Variants in AKAP12 observed in about 807,000 individuals in gnomAD.
AKAP12 encodes the protein A-kinase anchoring protein 12, also known as A-kinase anchor protein 12.
In AKAP12, 32 loss-of-function variants were observed where a neutral mutation model predicts 79.9. The ratio of observed to expected loss-of-function variants is 0.40; its 90% confidence interval spans 0.30 to 0.54. The LOEUF (loss-of-function observed/expected upper bound fraction) is 0.54. Ranked by LOEUF, AKAP12 falls within the 20% of genes least tolerant of loss-of-function variation. The probability of loss-of-function intolerance (pLI) is 0.48; values close to 1 mark genes in which losing one functional copy is unlikely to be tolerated. For synonymous variants in AKAP12, 808 were observed against 857.0 expected (o/e 0.94, Z 1.00); for missense variants, 2,074 against 2,177.0 (o/e 0.95, Z 0.94).
chr6:151,282,506 T>A (rs1451344692), intron 2 of AKAP12, among the ~76,000 whole-genome samples: 1 of 152,092 alleles, frequency 6.6e-6, no homozygotes, highest in East Asian at 1.9e-4. Flanking sequence ...AGCCCTTTGG[T>A]CTAGAGGTGC....
chr6:151,308,746 C>G (rs572685951), intron 3 of AKAP12, among the ~76,000 whole-genome samples: 2 of 152,268 alleles, frequency 1.3e-5, no homozygotes, highest in Admixed American at 1.3e-4. Context: ...TTTTCTTTCT[C>G]TATTTTTTTC....
intron 2 of AKAP12, among the ~76,000 whole-genome samples, chr6:151,280,983 T>C (rs1341760574): frequency 5.3e-5 from 8 of 152,188 alleles, no homozygotes; most frequent in Non-Finnish European, 1.2e-4. Flanking sequence ...TCTAAAGATA[T>C]ATACAGTTAA....
chr6:151,297,959 A>C (rs1776772733), intron 2 of AKAP12, among the ~76,000 whole-genome samples: 1 of 152,178 alleles, frequency 6.6e-6, no homozygotes, highest in African/African-American at 2.4e-5. Flanking sequence ...TTTTCTATTT[A>C]GAAAGAGAAT....
chr6:151,290,926 C>T (rs1299247588), intron 2 of AKAP12, among the ~76,000 whole-genome samples: 1 of 152,070 alleles, frequency 6.6e-6, no homozygotes, highest in African/African-American at 2.4e-5. Flanking sequence ...CTTGTTTTTC[C>T]TTCTCACCCT....
chr6:151,269,060 A>G (rs1776124717), intron 2 of AKAP12, among the ~76,000 whole-genome samples: 2 of 148,682 alleles, frequency 1.3e-5, no homozygotes, highest in Admixed American at 1.4e-4. Context: ...GAAACATTTA[A>G]TATCTAATGA....
intron 2 of AKAP12, among the ~76,000 whole-genome samples, chr6:151,257,806 C>G (rs1002507783): frequency 2.8e-4 from 42 of 152,210 alleles, no homozygotes; most frequent in African/African-American, 9.6e-4. Context: ...TTTTAATCTC[C>G]TTATTAAGTT....
chr6:151,320,257 G>T (rs898181839), intron 3 of AKAP12, among the ~76,000 whole-genome samples: 31 of 151,742 alleles, frequency 2.0e-4, no homozygotes, highest in Admixed American at 2.0e-3. Flanking sequence ...GGCCTCTCCC[G>T]TTCTCTTCCT....
intron 2 of AKAP12, among the ~76,000 whole-genome samples, chr6:151,278,884 G>T (rs1342345297): frequency 6.6e-6 from 1 of 151,396 alleles, no homozygotes; most frequent in Non-Finnish European, 1.5e-5. Context: ...AGCCAGGATG[G>T]TCTCGATCTC....
At chr6:151,304,660 A>G (rs1031592879) in intron 2 of AKAP12, among the ~76,000 whole-genome samples, 2 of 151,372 alleles carry the variant, frequency 1.3e-5, no homozygotes, top group African/African-American at 2.4e-5. Context: ...CACCTCCCAC[A>G]TCCACCTCCA....
Position 151,240,621 on chromosome 6 carries a change from C to A in AKAP12, c.59C>A (p.Ser20Tyr). 2 of 1,392,732 alleles carry A rather than the reference C, an allele frequency of 1.4e-6. No homozygotes were observed. Among genetic ancestry groups the A allele is most frequent in the Admixed American group, 3.2e-5 (1 of 30,816 alleles). The allele number at this position is 1,392,732 out of a possible 1,614,324, so 86.3% of individuals were successfully genotyped here. A position where few individuals can be genotyped will look rare whatever the true frequency, so the allele number is the denominator to read the frequency against. Residue 20 changes from serine to tyrosine, a missense_variant, in exon 2 of 5, where the codon TCC becomes TAC. Physicochemically the swap from Ser to Tyr is moderately radical, Grantham distance 144 (BLOSUM62 -2). Transcript: ENST00000402676. ...CCGGAGCAGCCGCCCGAGGGGAGCT[C>A]CACGCCGGCTGAGCCCGAGCCCAGC... ...RSPEQPPEGS[S>Y]TPAEPEPSGG...
chr6:151,261,430 C>T (rs34066116), intron 2 of AKAP12, among the ~76,000 whole-genome samples: 2,401 of 152,104 alleles, frequency 0.016, 154 homozygotes, highest in Admixed American at 0.12. Flanking sequence ...GTGGCTCACT[C>T]CTGTAATCCC....
intron 3 of AKAP12, chr6:151,324,742 C>T (rs1413247227): frequency 1.0e-6 from 1 of 985,170 alleles, no homozygotes; most frequent in African/African-American, 1.7e-5. Flanking sequence ...CGGACCCACC[C>T]TAACAAAAAA....
chr6:151,336,561 A>G (rs1410113042), intron 3 of AKAP12, among the ~76,000 whole-genome samples: 6 of 152,270 alleles, frequency 3.9e-5, no homozygotes, highest in South Asian at 2.1e-4. Context: ...CATGGCCAAC[A>G]TGGTGAAACC....
intron 2 of AKAP12, among the ~76,000 whole-genome samples, chr6:151,257,626 G>T (rs1304834718): frequency 6.6e-6 from 1 of 152,218 alleles, no homozygotes. Context: ...ATAACATGCA[G>T]TATTTGTTTT....
chr6:151,290,605 A>AT (rs1186585280), intron 2 of AKAP12, among the ~76,000 whole-genome samples: 1 of 148,092 alleles, frequency 6.8e-6, no homozygotes, highest in African/African-American at 2.5e-5. Context: ...CCTTCACCAG[A>AT]TTCTTTTTTT....
intron 3 of AKAP12, among the ~76,000 whole-genome samples, chr6:151,315,157 A>G (rs1249587855): frequency 1.3e-5 from 2 of 152,144 alleles, no homozygotes; most frequent in Non-Finnish European, 2.9e-5. Context: ...GAGACATGCA[A>G]TTATTTTAGC....
chr6:151,344,987 T>C (rs979808260), intron 3 of AKAP12, among the ~76,000 whole-genome samples: 4 of 152,206 alleles, frequency 2.6e-5, no homozygotes, highest in African/African-American at 7.2e-5. Context: ...AAGGAATGTA[T>C]GGATTTGGGG....
chr6:151,249,000 T>C (rs1252374982), intron 2 of AKAP12, among the ~76,000 whole-genome samples: 1 of 149,864 alleles, frequency 6.7e-6, no homozygotes, highest in Non-Finnish European at 1.5e-5. Flanking sequence ...AAAAAAAAAG[T>C]GGATTGCTAA....
chr6:151,301,584 A>G (rs534653774), intron 2 of AKAP12, among the ~76,000 whole-genome samples: 96 of 152,326 alleles, frequency 6.3e-4, no homozygotes, highest in African/African-American at 2.2e-3. Context: ...GGAATTATCC[A>G]TCTTTAACAA....
Sources: gnomAD v4.1 joint callset for allele counts (sites outside exome capture counted in the v4.1 genomes callset) on GRCh38, gnomAD v4.1.1 for gene constraint, MANE v1.5 for transcripts, NCBI Gene and HGNC (gene_info 2026-07-23, HGNC 2026-07-21) for gene names.